Variants in CACUL1 observed in about 807,000 individuals in gnomAD.
The protein encoded by CACUL1 is CDK2-associated and cullin domain-containing protein 1.
CACUL1 carries 13 observed loss-of-function variants against 45.2 expected under a neutral mutation model. The ratio of observed to expected loss-of-function variants is 0.29; its 90% CI spans 0.19 to 0.46. The LOEUF (loss-of-function observed/expected upper bound fraction) is 0.46, where lower values mean the gene tolerates loss of function less well. CACUL1 is among the 20% of genes least tolerant of loss of function. CACUL1 has a pLI of 1.00. For missense variants in CACUL1, 421 were observed against 471.4 expected (o/e 0.89, Z 0.99); for synonymous variants, 197 against 174.2 (o/e 1.13, Z -1.03).
In CACUL1 at chr10:118,691,398, C is replaced by A. The variant is rs1168422448; in HGVS notation, c.892G>T (p.Val298Phe). The A allele has an allele frequency of 1.2e-6, 2 of 1,611,396 alleles. No homozygotes were observed. The highest frequency in any genetic ancestry group is 8.5e-7 in the Non-Finnish European group (1 of 1,178,078). Residue 298 changes from valine (V) to phenylalanine (F), a missense_variant, in exon 7 of 9, where the codon GTT (valine) becomes TTT (phenylalanine). Physicochemically the swap from Val to Phe is conservative, Grantham distance 50. Coordinates refer to ENST00000369151, the MANE Select transcript of CACUL1 (RefSeq NM_153810.5). ...GAAAATAGAGTTGGAGCCATCTGAA[C>A]CCACTCTGTGAGGAAAGGAAACAAT... is the stretch of plus-strand genomic sequence containing the variant. ...KGLYTLRPEW[V>F]QMAPTLFSKF... is the part of the protein sequence containing the mutation.
At chr10:118,715,654 C>G (rs1020901541) in intron 3 of CACUL1, among the ~76,000 whole-genome samples, 2 of 152,144 alleles carry the variant, frequency 1.3e-5, no homozygotes, top group Non-Finnish European at 1.5e-5. Flanking sequence ...ATGTAAAATA[C>G]AAACGAGTTC....
intron 1 of CACUL1, among the ~76,000 whole-genome samples, chr10:118,737,016 G>A (rs1845746814): frequency 6.6e-6 from 1 of 151,640 alleles, no homozygotes; most frequent in African/African-American, 2.4e-5. Flanking sequence ...TATACCCTAT[G>A]ATGTTCCCAC....
chr10:118,754,241 G>A (rs1845929549), intron 1 of CACUL1, among the ~76,000 whole-genome samples, 155 bp downstream of exon 1: 1 of 152,188 alleles, frequency 6.6e-6, no homozygotes, highest in South Asian at 2.1e-4. Context: ...AGGGGACGGT[G>A]AGGGGGAAGG....
chr10:118,732,958 G>T (rs989433919), intron 1 of CACUL1, among the ~76,000 whole-genome samples: 1 of 152,072 alleles, frequency 6.6e-6, no homozygotes, highest in Non-Finnish European at 1.5e-5. Flanking sequence ...TCTCTACACC[G>T]AAAGTTGAGA....
chr10:118,732,137 T>C (rs1002036794), intron 1 of CACUL1, among the ~76,000 whole-genome samples: 12 of 152,196 alleles, frequency 7.9e-5, no homozygotes, highest in African/African-American at 2.2e-4. Context: ...AGGTTTTATA[T>C]GGATCATTCC....
intron 1 of CACUL1, among the ~76,000 whole-genome samples, chr10:118,737,033 C>T (rs972637310): frequency 6.7e-6 from 1 of 149,626 alleles, no homozygotes; most frequent in South Asian, 2.1e-4. Flanking sequence ...CCACAGTGTA[C>T]AAAATCGCCT....
At chr10:118,702,203 C>T (rs775494430) in intron 4 of CACUL1, among the ~76,000 whole-genome samples, 2 of 152,172 alleles carry the variant, frequency 1.3e-5, no homozygotes, top group African/African-American at 4.8e-5. Flanking sequence ...TAATTTTCCA[C>T]TACCTACACA....
At chr10:118,723,390 C>G (rs557181416) in intron 3 of CACUL1, among the ~76,000 whole-genome samples, 1 of 152,060 alleles carries the variant, frequency 6.6e-6, no homozygotes, top group African/African-American at 2.4e-5. Context: ...ATTATTGTCA[C>G]GAGTTTTGAT....
chr10:118,702,389 G>A (rs1324886582), intron 4 of CACUL1, among the ~76,000 whole-genome samples: 1 of 152,098 alleles, frequency 6.6e-6, no homozygotes, highest in East Asian at 1.9e-4. Flanking sequence ...AGAGCAGAGA[G>A]ACCAAAAATC....
chr10:118,723,742 A>T (rs923414466), intron 3 of CACUL1, among the ~76,000 whole-genome samples: 3 of 152,170 alleles, frequency 2.0e-5, no homozygotes, highest in Admixed American at 1.3e-4. Flanking sequence ...GTTACTAGTA[A>T]GCTTAATCGA....
chr10:118,740,380 C>T (rs1353032814), intron 1 of CACUL1, among the ~76,000 whole-genome samples: 2 of 152,020 alleles, frequency 1.3e-5, no homozygotes, highest in Admixed American at 6.6e-5. Context: ...GAGGCCAACT[C>T]AGGCAGATGG....
At chr10:118,695,438 T>C (rs1845313213) in intron 5 of CACUL1, among the ~76,000 whole-genome samples, 1 of 152,186 alleles carries the variant, frequency 6.6e-6, no homozygotes, top group African/African-American at 2.4e-5. Flanking sequence ...TGGCCACTAA[T>C]GGAAATGAAT....
chr10:118,735,490 T>G (rs1391652577), intron 1 of CACUL1, among the ~76,000 whole-genome samples: 1 of 152,196 alleles, frequency 6.6e-6, no homozygotes, highest in Non-Finnish European at 1.5e-5. Flanking sequence ...ATTCTAGGGG[T>G]GGGTGGAACC....
chr10:118,720,519 TTGTACTC>T (rs1845590041), intron 3 of CACUL1, among the ~76,000 whole-genome samples: 1 of 152,240 alleles, frequency 6.6e-6, no homozygotes. Context: ...CAATTCATAA[TTGTACTC>T]TGTACACCAT....
chr10:118,704,567 C>T (rs977337984), intron 4 of CACUL1, among the ~76,000 whole-genome samples: 1 of 152,232 alleles, frequency 6.6e-6, no homozygotes, highest in Non-Finnish European at 1.5e-5. Flanking sequence ...GTTTGGCACA[C>T]TTCCCTCTGA....
chr10:118,713,251 T>C (rs1564833133), intron 3 of CACUL1, among the ~76,000 whole-genome samples: 1 of 152,170 alleles, frequency 6.6e-6, no homozygotes. Flanking sequence ...GCCGACAACT[T>C]GGAGAAGCCA....
intron 4 of CACUL1, among the ~76,000 whole-genome samples, chr10:118,705,744 ATTTG>A (rs1475716248): frequency 6.6e-6 from 1 of 152,210 alleles, no homozygotes; most frequent in African/African-American, 2.4e-5. Flanking sequence ...ATTTAAAAAA[ATTTG>A]TTTCTGTGAT....
chr10:118,686,080 C>CT lies in CACUL1; in HGVS notation c.*47dup, dbSNP rs1845202251. ...TGTGCTCTGAATACAGTCTCTGCAGCTCCAGTGTGTCCTCTTTTCAGGAAG... is the reference window on the plus strand; with the variant it reads ...TGTGCTCTGAATACAGTCTCTGCAGCTTCCAGTGTGTCCTCTTTTCAGGAAG... On this transcript the variant is annotated 3_prime_UTR_variant, in exon 9 of 9. Coordinates refer to ENST00000369151, the MANE Select transcript of CACUL1 (RefSeq NM_153810.5). 1 of 1,443,146 alleles carries CT rather than the reference C, an allele frequency of 6.9e-7. No homozygotes were observed. The highest frequency in any genetic ancestry group is 1.4e-5 in the African/African-American group (1 of 71,436). The allele number at this position is 1,443,146 out of a possible 1,614,324, so 89.4% of individuals were successfully genotyped here. A position where few individuals can be genotyped will look rare whatever the true frequency, so the allele number is the denominator to read the frequency against.
In CACUL1 at chr10:118,688,668, T is replaced by C. The variant is rs370608737; in HGVS notation, c.1026-2027A>G. Among the ~76,000 whole-genome samples the C allele has an allele frequency of 4.6e-5, 7 of 152,210 alleles. No individual in the cohort carries two copies. In the East Asian group the frequency reaches 5.8e-4, roughly 13 times the overall value. The stretch of plus-strand genomic sequence containing the variant: ...GACCTATGTTCTTACCTTGGTTACT[T>C]AGATCTAGTAGTTATCTTCTGTAGT... On this transcript the variant is annotated intron_variant, in intron 7 of 8. Transcript: ENST00000369151.
Sources: gnomAD v4.1 joint callset for allele counts (sites outside exome capture counted in the v4.1 genomes callset) on GRCh38, gnomAD v4.1.1 for gene constraint, MANE v1.5 for transcripts, NCBI Gene and HGNC (gene_info 2026-07-23, HGNC 2026-07-21) for gene names.